The following RBM6 variants were observed in gnomAD, a reference collection of about 807,000 sequenced individuals.
RBM6 encodes the protein RNA binding motif protein 6.
In RBM6, 23 loss-of-function variants were observed where a neutral mutation model predicts 140.4. The observed-to-expected ratio is 0.16, with a 90% CI of 0.12 to 0.23. The LOEUF (loss-of-function observed/expected upper bound fraction) is 0.23. Among genes scored for constraint, RBM6 ranks in the 10% least tolerant of loss-of-function variants. The probability of loss-of-function intolerance (pLI) is 1.00; values close to 1 mark genes in which losing one functional copy is unlikely to be tolerated. For synonymous variants in RBM6, 439 were observed against 475.6 expected (o/e 0.92, Z 1.00); for missense variants, 1,139 against 1,386.7 (o/e 0.82, Z 2.84).
At chr3:49,977,964 GA>G (rs951211928) in intron 5 of RBM6, among the ~76,000 whole-genome samples, 3 of 149,980 alleles carry the variant, frequency 2.0e-5, no homozygotes, top group Middle Eastern at 3.4e-3. Flanking sequence ...AAAAGAAAAA[GA>G]AAAAAAAATG....
intron 5 of RBM6, among the ~76,000 whole-genome samples, chr3:49,984,951 T>G (rs1313201431): frequency 6.6e-6 from 1 of 152,198 alleles, no homozygotes. Flanking sequence ...TCTCTGAGGT[T>G]GGGGAAGGTG....
intron 6 of RBM6, among the ~76,000 whole-genome samples, chr3:50,036,449 C>T (rs1179739824): frequency 6.6e-6 from 1 of 152,066 alleles, no homozygotes; most frequent in East Asian, 1.9e-4. Flanking sequence ...TTTGTCTTCT[C>T]CCTAACTCCT....
intron 6 of RBM6, among the ~76,000 whole-genome samples, chr3:50,012,367 T>C (rs1372636961): frequency 6.7e-6 from 1 of 149,796 alleles, no homozygotes; most frequent in Non-Finnish European, 1.5e-5. Flanking sequence ...TTTTTTTTTC[T>C]TTTTTTTTGA....
Position 49,987,105 on chromosome 3 carries a change from C to G in RBM6, c.1483+11713C>G, listed in dbSNP as rs149308156. ...TATTTTTTTTTGGGACAGAGTCTCT[C>G]TCTGTCCTCCAGGCTGGAGTGCAGT... is the stretch of plus-strand genomic sequence containing the variant. On this transcript the variant is annotated intron_variant, in intron 5 of 20. Transcript: ENST00000266022. Among the ~76,000 whole-genome samples the G allele has an allele frequency of 3.8e-3, 580 of 151,810 alleles. 4 individuals carry two copies. Among genetic ancestry groups the G allele is most frequent in the African/African-American group, 0.014 (566 of 41,414 alleles).
In RBM6 at chr3:50,039,496, C is replaced by G. The variant is rs1052541974; in HGVS notation, c.1558-8749C>G. Among the ~76,000 whole-genome samples the G allele has an allele frequency of 1.6e-3, 197 of 124,566 alleles. 2 individuals are homozygous for G. The highest frequency in any genetic ancestry group is 0.013 in the Admixed American group (163 of 12,294). The allele number at this position is 124,566 out of a possible 152,430, so 81.7% of individuals were successfully genotyped here. ...TCAGGTGATCCACCCCCCCCCCCCC[C>G]ACCCTTGGTCTCCCAAAGTGCTGGG... is the stretch of plus-strand genomic sequence containing the variant. On this transcript the variant is annotated intron_variant, in intron 6 of 20. Coordinates refer to ENST00000266022, the MANE Select transcript of RBM6 (RefSeq NM_005777.3).
At chr3:50,055,910 T>C (rs895073428) in intron 8 of RBM6, among the ~76,000 whole-genome samples, 5 of 152,338 alleles carry the variant, frequency 3.3e-5, no homozygotes, top group Admixed American at 6.5e-5. Context: ...GTCAGACACA[T>C]GCATCCATAA....
intron 15 of RBM6, among the ~76,000 whole-genome samples, chr3:50,063,113 G>A (rs1003442200): frequency 6.6e-6 from 1 of 151,960 alleles, no homozygotes; most frequent in South Asian, 2.1e-4. Flanking sequence ...GGCTGATCTC[G>A]AACTTCTGGC....
At chr3:50,027,594 C>T (rs2087914617) in intron 6 of RBM6, among the ~76,000 whole-genome samples, 7 of 152,112 alleles carry the variant, frequency 4.6e-5, no homozygotes, top group Admixed American at 4.6e-4. Flanking sequence ...AATCATATAC[C>T]ATATGGTCTT....
intron 6 of RBM6, among the ~76,000 whole-genome samples, chr3:50,020,895 T>G (rs2087444132): frequency 6.6e-6 from 1 of 152,214 alleles, no homozygotes; most frequent in African/African-American, 2.4e-5. Flanking sequence ...GACTGAGATG[T>G]CATTATACAG....
At chr3:49,955,921 G>A (rs1219797537) in intron 1 of RBM6, among the ~76,000 whole-genome samples, 2 of 151,354 alleles carry the variant, frequency 1.3e-5, no homozygotes, top group Non-Finnish European at 2.9e-5. Context: ...TTTGTGATTA[G>A]AGAGTTTAAA....
At chr3:49,972,478 A>G (rs1265290213) in intron 4 of RBM6, among the ~76,000 whole-genome samples, 1 of 152,198 alleles carries the variant, frequency 6.6e-6, no homozygotes, top group Non-Finnish European at 1.5e-5. Context: ...TTTCTGGAGT[A>G]TGTACATAAG....
chr3:50,022,554 T>C (rs1304382783), intron 6 of RBM6, among the ~76,000 whole-genome samples: 1 of 152,126 alleles, frequency 6.6e-6, no homozygotes. Flanking sequence ...GGTCGCGAAC[T>C]CCCGATCTTA....
chr3:50,048,810 T>G lies in RBM6; in HGVS notation c.1632+491T>G, dbSNP rs1343949349. On this transcript the variant is annotated intron_variant, in intron 7 of 20. Transcript: ENST00000266022. ...GGATATTTAAAATTTTAGGCTATAC[T>G]CTTTTTTTTTGAAACGGAATCTCAT... is the stretch of plus-strand genomic sequence containing the variant. Among the ~76,000 whole-genome samples the G allele has an allele frequency of 1.3e-5, 2 of 152,110 alleles. 1 individual carries two copies. The highest frequency in any genetic ancestry group is 6.3e-3 in the Middle Eastern group (2 of 316).
At chr3:49,986,736 T>G (rs2085579698) in intron 5 of RBM6, among the ~76,000 whole-genome samples, 1 of 151,500 alleles carries the variant, frequency 6.6e-6, no homozygotes, top group Non-Finnish European at 1.5e-5. Context: ...TCTCTTCTCT[T>G]CTCTCTTCTT....
chr3:49,968,605 C>T lies in RBM6; in HGVS notation c.1180C>T (p.Leu394Phe). Reference protein sequence around the residue: ...LFKEEGGLDFLGRQDTDYRSM... With the variant: ...LFKEEGGLDFFGRQDTDYRSM... ...TAAAGAAGAAGGCGGTCTGGACTTTCTTGGGCGGCAAGACACCGATTACAG... is the reference window on the plus strand; with the variant it reads ...TAAAGAAGAAGGCGGTCTGGACTTTTTTGGGCGGCAAGACACCGATTACAG... The change falls in exon 3 of 21, where the codon CTT becomes TTT. Residue 394 changes from leucine to phenylalanine, a missense_variant. By Grantham distance (22) the Leu-to-Phe change is conservative. Coordinates refer to ENST00000266022, the MANE Select transcript of RBM6 (RefSeq NM_005777.3). The T allele has an allele frequency of 6.2e-7, 1 of 1,614,116 alleles. No homozygotes were observed. Among genetic ancestry groups the T allele is most frequent in the Non-Finnish European group, 8.5e-7 (1 of 1,180,028 alleles).
At chr3:50,040,445 C>CAAA (rs1163542465) in intron 6 of RBM6, among the ~76,000 whole-genome samples, 8 of 67,656 alleles carry the variant, frequency 1.2e-4, no homozygotes, top group African/African-American at 4.3e-4. Flanking sequence ...GGCTCCTTCT[C>CAAA]AAAAAAAAAA....
intron 1 of RBM6, among the ~76,000 whole-genome samples, chr3:49,955,155 T>TC (rs1243972853): frequency 1.0e-5 from 1 of 100,394 alleles, no homozygotes; most frequent in East Asian, 2.7e-4. Flanking sequence ...TATTTTTTTT[T>TC]CTTTCTTTTT....
intron 1 of RBM6, among the ~76,000 whole-genome samples, chr3:49,952,986 G>A (rs546502710): frequency 1.3e-5 from 2 of 152,184 alleles, no homozygotes; most frequent in Admixed American, 6.5e-5. Context: ...GGTCTTAAGT[G>A]ATCCTCTGAC....
In RBM6 at chr3:49,968,010, T is replaced by C. The variant is rs749966582; in HGVS notation, c.585T>C (p.Phe195=). ...FRGRDGSHAD[F]RGRDLSDLDF... ...GCCGGGATGGATCCCATGCAGATTT[T>C]AGGGGAAGGGATTTATCAGATTTGG... Residue 195 remains phenylalanine (F), a synonymous_variant, in exon 3 of 21, where the codon TTT becomes TTC. Coordinates refer to ENST00000266022, the MANE Select transcript of RBM6 (RefSeq NM_005777.3). 4.3e-6 allele frequency: 7 copies of C among 1,614,018 alleles called. No individual in the cohort carries two copies. The highest frequency in any genetic ancestry group is 5.9e-6 in the Non-Finnish European group (7 of 1,180,022).
Sources: allele counts gnomAD v4.1 joint callset (sites outside exome capture counted in the v4.1 genomes callset), GRCh38; gene constraint gnomAD v4.1.1; transcripts MANE v1.5; gene names NCBI Gene and HGNC (gene_info 2026-07-23, HGNC 2026-07-21).